KCNQ5: variants seen among roughly 807,000 people sequenced by gnomAD.
KCNQ5 encodes the protein potassium voltage-gated channel subfamily Q member 5, also known as potassium voltage-gated channel subfamily KQT member 5.
KCNQ5 carries 30 observed loss-of-function variants against 98.2 expected under a neutral mutation model. The ratio of observed to expected loss-of-function variants is 0.31; its 90% CI spans 0.23 to 0.41. The LOEUF is 0.41. Ranked by LOEUF, KCNQ5 falls within the 10% of genes least tolerant of loss-of-function variation. KCNQ5 has a pLI of 1.00. For synonymous variants in KCNQ5, 458 were observed against 449.4 expected, an observed-to-expected ratio of 1.02 and a Z score of -0.24; for missense variants, 835 against 1,182.5, an observed-to-expected ratio of 0.71 and a Z score of 4.31.
chr6:73,104,312 C>A (rs1038380899), intron 5 of KCNQ5, among the ~76,000 whole-genome samples: 18 of 152,052 alleles, frequency 1.2e-4, no homozygotes, highest in Non-Finnish European at 2.1e-4. Context: ...TAACAACAAA[C>A]TTTCCAAAAA....
chr6:72,958,006 G>T (rs988700315), intron 1 of KCNQ5, among the ~76,000 whole-genome samples: 2 of 152,128 alleles, frequency 1.3e-5, no homozygotes, highest in Admixed American at 1.3e-4. Flanking sequence ...TAGAGCAAGT[G>T]CTGTGCCTTA....
intron 1 of KCNQ5, among the ~76,000 whole-genome samples, chr6:72,834,442 T>G (rs183869048): frequency 3.1e-3 from 467 of 152,286 alleles, no homozygotes; most frequent in Admixed American, 5.0e-3. Flanking sequence ...GATTTTACTG[T>G]TTGAGTAGAG....
At chr6:72,925,837 A>G (rs1329959498) in intron 1 of KCNQ5, among the ~76,000 whole-genome samples, 1 of 152,188 alleles carries the variant, frequency 6.6e-6, no homozygotes, top group Admixed American at 6.6e-5. Flanking sequence ...GGCAAAGGGC[A>G]GCTGCTGCTG....
intron 10 of KCNQ5, among the ~76,000 whole-genome samples, chr6:73,137,906 C>G (rs1177111996): frequency 6.6e-6 from 1 of 152,112 alleles, no homozygotes; most frequent in African/African-American, 2.4e-5. Context: ...CCACCCTCTT[C>G]TTGCCGCTGC....
At chr6:72,898,314 TC>T (rs1779336728) in intron 1 of KCNQ5, among the ~76,000 whole-genome samples, 1 of 152,098 alleles carries the variant, frequency 6.6e-6, no homozygotes, top group Admixed American at 6.6e-5. Context: ...ATGCTCTTCC[TC>T]CCCTCGCCAC....
At position 73,046,668 on chromosome 6, in the gene KCNQ5, G is replaced by A. The variant is rs551429618; in HGVS notation, c.616+4606G>A. Among the ~76,000 whole-genome samples, 46 of 27,264 alleles carry A rather than the reference G, an allele frequency of 1.7e-3. 1 individual carries two copies. In the South Asian group the frequency reaches 0.036, roughly 21 times the overall value. 17.9% of individuals were successfully genotyped at this position (27,264 alleles called of 152,430 possible). On this transcript the variant is annotated intron_variant, in intron 3 of 13. Coordinates refer to ENST00000370398, the MANE Select transcript of KCNQ5 (RefSeq NM_019842.4). ...ATTTTATTTTATTTTTTGAGGCAGA[G>A]TTTCCCTCTATCACCCAGGCTGGAG... is the stretch of plus-strand genomic sequence containing the variant.
chr6:72,675,102 G>T (rs1767341327), intron 1 of KCNQ5, among the ~76,000 whole-genome samples: 1 of 152,026 alleles, frequency 6.6e-6, no homozygotes, highest in Non-Finnish European at 1.5e-5. Flanking sequence ...CTTTGCTCAG[G>T]TCTTTTTGAG....
intron 1 of KCNQ5, among the ~76,000 whole-genome samples, chr6:72,705,180 C>T (rs1769008374): frequency 1.3e-5 from 2 of 152,138 alleles, no homozygotes; most frequent in Non-Finnish European, 2.9e-5. Flanking sequence ...ATACTTCCAC[C>T]ATGGGGCGTA....
chr6:72,912,855 A>C (rs1034669826), intron 1 of KCNQ5, among the ~76,000 whole-genome samples: 22 of 152,174 alleles, frequency 1.4e-4, no homozygotes, highest in Admixed American at 3.3e-4. Flanking sequence ...CTATATTATT[A>C]CTTGGAAGAC....
intron 1 of KCNQ5, among the ~76,000 whole-genome samples, chr6:72,626,503 A>T (rs1018676645): frequency 7.2e-5 from 11 of 152,224 alleles, no homozygotes; most frequent in African/African-American, 2.7e-4. Context: ...GATGCTGACC[A>T]TAGAATCTTG....
chr6:72,916,319 T>G lies in KCNQ5; in HGVS notation c.399-87589T>G, dbSNP rs372942897. On this transcript the variant is annotated intron_variant, in intron 1 of 13. Transcript: ENST00000370398. ...CATTACATGGTCATAACCCAGTAAC[T>G]ACCAGATATTGTGCCTGCCTTTAAA... 4.1e-4 allele frequency among the ~76,000 whole-genome samples: 62 copies of G among 152,350 alleles called. No homozygotes were observed. The South Asian group carries it at 0.012, about 29-fold the overall frequency.
chr6:72,774,042 G>A (rs941173591), intron 1 of KCNQ5, among the ~76,000 whole-genome samples: 2 of 151,956 alleles, frequency 1.3e-5, no homozygotes, highest in Admixed American at 6.6e-5. Context: ...AGAACTGCAA[G>A]GTCAATTGGA....
At chr6:72,732,181 T>A (rs547702215) in intron 1 of KCNQ5, among the ~76,000 whole-genome samples, 1 of 152,108 alleles carries the variant, frequency 6.6e-6, no homozygotes, top group Non-Finnish European at 1.5e-5. Flanking sequence ...ATATGCAATC[T>A]AGTGTGGAAG....
At chr6:72,909,623 T>G (rs1390573304) in intron 1 of KCNQ5, among the ~76,000 whole-genome samples, 1 of 152,180 alleles carries the variant, frequency 6.6e-6, no homozygotes, top group Non-Finnish European at 1.5e-5. Flanking sequence ...GGATGTTTTC[T>G]AGAACTCTTG....
intron 12 of KCNQ5, among the ~76,000 whole-genome samples, chr6:73,191,118 T>C (rs1202329414): frequency 6.6e-6 from 1 of 152,210 alleles, no homozygotes; most frequent in African/African-American, 2.4e-5. Flanking sequence ...CTAATCATCC[T>C]TTGGGAATAA....
intron 10 of KCNQ5, chr6:73,157,928 T>C: frequency 1.3e-6 from 1 of 773,820 alleles, no homozygotes; most frequent in Non-Finnish European, 2.4e-6. Flanking sequence ...CTGTCAAAGA[T>C]CACAAAACAG....
chr6:73,124,936 GATATATATATATATATATAT>G (rs1180218889), intron 9 of KCNQ5, among the ~76,000 whole-genome samples: 1 of 76,278 alleles, frequency 1.3e-5, no homozygotes, highest in Non-Finnish European at 2.6e-5. Context: ...CTTTTGGAGT[GATATATATATATATATATAT>G]ATATATATAT....
intron 1 of KCNQ5, among the ~76,000 whole-genome samples, chr6:72,658,991 T>C (rs1766366784): frequency 6.6e-6 from 1 of 152,220 alleles, no homozygotes; most frequent in African/African-American, 2.4e-5. Flanking sequence ...AATCCAGACA[T>C]TTCCAAAGTG....
intron 1 of KCNQ5, among the ~76,000 whole-genome samples, chr6:72,669,910 C>CTTTTTTTTTTTTTTTTT (rs541665177): frequency 7.4e-6 from 1 of 134,998 alleles, no homozygotes. Flanking sequence ...ACTTTCTTTC[C>CTTTTTTTTTTTTTTTTT]TTTTTTTTTT....
Sources: gnomAD v4.1 joint callset for allele counts (sites outside exome capture counted in the v4.1 genomes callset) on GRCh38, gnomAD v4.1.1 for gene constraint, MANE v1.5 for transcripts, NCBI Gene and HGNC (gene_info 2026-07-23, HGNC 2026-07-21) for gene names.